The following GGT5 variants were observed in gnomAD, a reference collection of about 807,000 sequenced individuals.
GGT5 encodes the protein gamma-glutamyltransferase 5.
In GGT5, 50 loss-of-function variants were observed where a neutral mutation model predicts 58.1. That is an observed-to-expected ratio of 0.86 (90% CI 0.69 to 1.09). GGT5 has a LOEUF of 1.09. Among genes scored for constraint, GGT5 ranks in the 50% least tolerant of loss-of-function variants. GGT5 has a pLI of 0.00. For synonymous variants in GGT5, 370 were observed against 346.1 expected, an observed-to-expected ratio of 1.07 and a Z score of -0.77; for missense variants, 800 against 789.4, an observed-to-expected ratio of 1.01 and a Z score of -0.16.
chr22:24,232,711 G>A (rs1248612332), intron 4 of GGT5, 112 bp downstream of exon 4: 16 of 672,302 alleles, frequency 2.4e-5, no homozygotes, highest in Non-Finnish European at 3.5e-5. Context: ...CCAGCACCCC[G>A]AGGGTCAATC....
chr22:24,224,355 C>CAAAAAAAT (rs1556028869), intron 11 of GGT5, among the ~76,000 whole-genome samples: 2 of 151,372 alleles, frequency 1.3e-5, no homozygotes, highest in African/African-American at 4.8e-5. Context: ...CTACGAAAAA[C>CAAAAAAAT]AAAAAAATAA....
intron 1 of GGT5, among the ~76,000 whole-genome samples, chr22:24,240,662 C>G (rs2048303221): frequency 6.6e-6 from 1 of 151,992 alleles, no homozygotes; most frequent in Non-Finnish European, 1.5e-5. Context: ...ATTAGCCACA[C>G]CCAGCTAATT....
At position 24,232,223 on chromosome 22, in the gene GGT5, G is replaced by GGGGGGGGC; in HGVS notation, c.597-16_597-15insGCCCCCCC. 3 of 890,650 alleles carry GGGGGGGGC rather than the reference G, an allele frequency of 3.4e-6. No individual in the cohort carries two copies. Among genetic ancestry groups the GGGGGGGGC allele is most frequent in the Non-Finnish European group, 5.1e-6 (3 of 590,058 alleles). The allele number at this position is 890,650 out of a possible 1,614,324, so 55.2% of individuals were successfully genotyped here. ...AGAAGAGCTGGCTGGGGGGTGGGGG[G>GGGGGGGGC]AGCCTCAGGGTGGGGCCAGGTCCCA... On this transcript the variant is annotated splice_polypyrimidine_tract_variant and intron_variant, in intron 4 of 11. Transcript: ENST00000327365.
chr22:24,223,279 GT>G (rs2148886279), intron 11 of GGT5, among the ~76,000 whole-genome samples: 1 of 152,162 alleles, frequency 6.6e-6, no homozygotes, highest in East Asian at 1.9e-4. Flanking sequence ...GCGCACATGT[GT>G]AGTCCCAGCT....
At chr22:24,225,213 G>GGAGACACTC in intron 10 of GGT5, 32 bp downstream of exon 10, 1 of 1,607,004 alleles carries the variant, frequency 6.2e-7, no homozygotes, top group African/African-American at 1.3e-5. Flanking sequence ...TGCCCAGAGA[G>GGAGACACTC]GAGACACTCG....
At chr22:24,237,007 C>CTTTTTTTTTTTTTTTTTCTT (rs35060391) in intron 1 of GGT5, among the ~76,000 whole-genome samples, 3 of 131,124 alleles carry the variant, frequency 2.3e-5, no homozygotes, top group Admixed American at 7.9e-5. Flanking sequence ...TCTTTTCTCT[C>CTTTTTTTTTTTTTTTTTCTT]TTTTTTTTTT....
rs143616956 is a variant in GGT5 at position 24,225,383 on chromosome 22, G to A, written c.1365C>T (p.Pro455=). Residue 455 remains proline (P), a synonymous_variant, in exon 10 of 12, where the codon CCC becomes CCT. Transcript: ENST00000327365. ...CTGGAACTGGGGGCCAGCACCTTCC[G>A]GGAGCTCCACCCACCCTGTCTCCAC... The part of the protein sequence containing the change: ...PVSGDRVGGA[P]GRCWPPVPGE... 200 of 1,608,452 alleles carry A rather than the reference G, an allele frequency of 1.2e-4. No individual in the cohort carries two copies. The highest frequency in any genetic ancestry group is 5.0e-4 in the Admixed American group (30 of 59,622).
At chr22:24,222,885 G>T (rs1385177185) in intron 11 of GGT5, among the ~76,000 whole-genome samples, 2 of 151,508 alleles carry the variant, frequency 1.3e-5, no homozygotes, top group South Asian at 4.2e-4. Flanking sequence ...AGACCATCCT[G>T]GCTAACACGG....
Position 24,225,190 on chromosome 22 carries a change from T to C in GGT5, c.1503+55A>G, listed in dbSNP as rs112092021. On this transcript the variant is annotated intron_variant, in intron 10 of 11. Transcript: ENST00000327365. The stretch of plus-strand genomic sequence containing the variant: ...CCTCACATCCCCACTCCAGAGACAG[T>C]CAGACAGTATGCTGCCCAGAGAGGA... The C allele has an allele frequency of 1.5e-3, 2,317 of 1,595,108 alleles. 10 individuals carry two copies. Among genetic ancestry groups the C allele is most frequent in the Middle Eastern group, 1.8e-3 (11 of 6,026 alleles).
rs914930434 is a variant in GGT5 at position 24,219,788 on chromosome 22, G to C, written c.*182C>G. On this transcript the variant is annotated 3_prime_UTR_variant, in exon 12 of 12. Transcript: ENST00000327365. The stretch of plus-strand genomic sequence containing the variant: ...GGACCACCAGGGGCTCTGGGAAAGG[G>C]GGTTAGGGATGAGGCTCAGCCTCTC... 1.6e-6 allele frequency: 1 copy of C among 610,644 alleles called. No individual in the cohort carries two copies. The highest frequency in any genetic ancestry group is 3.0e-5 in the Admixed American group (1 of 33,424). 37.8% of individuals were successfully genotyped at this position (610,644 alleles called of 1,614,324 possible).
rs776035379 is a variant in GGT5, at chr22:24,225,431, T to C, written c.1337-20A>G. 1 of 1,606,136 alleles carries C rather than the reference T, an allele frequency of 6.2e-7. No homozygotes were observed. Among genetic ancestry groups the C allele is most frequent in the Non-Finnish European group, 8.5e-7 (1 of 1,174,804 alleles). On this transcript the variant is annotated intron_variant, in intron 9 of 11. Coordinates refer to ENST00000327365, the MANE Select transcript of GGT5 (RefSeq NM_004121.5). The stretch of plus-strand genomic sequence containing the variant: ...CACTCACTGCTGAGCAAACAGCGTC[T>C]TGGCAAGTGCAGTGACCCATCCAGG...
rs1404209944 is a variant in GGT5 at position 24,232,073 on chromosome 22, C to T, written c.732G>A (p.Leu244=). The T allele has an allele frequency of 6.2e-7, 1 of 1,613,536 alleles. No individual in the cohort carries two copies. Reference sequence around the variant, plus strand: ...GACCTTCCTTGGCAATGTCCTCCACCAGCATCTGGCCCAGCCTCCCCGTGT... The same window carrying T: ...GACCTTCCTTGGCAATGTCCTCCACTAGCATCTGGCCCAGCCTCCCCGTGT... ...VFYTGRLGQM[L]VEDIAKEGSQ... is the part of the protein sequence containing the mutation. Residue 244 remains leucine, a synonymous_variant, in exon 5 of 12, where the codon CTG becomes CTA. Coordinates refer to ENST00000327365, the MANE Select transcript of GGT5 (RefSeq NM_004121.5).
chr22:24,225,455 G>A lies in GGT5; in HGVS notation c.1337-44C>T, dbSNP rs766946185. The A allele has an allele frequency of 3.7e-6, 6 of 1,609,392 alleles. No homozygotes were observed. The East Asian group carries it at 1.3e-4, about 36-fold the overall frequency. ...CTTGGCAAGTGCAGTGACCCATCCA[G>A]GGGTTAGCATGCAACCCCAGCCCAG... On this transcript the variant is annotated intron_variant, in intron 9 of 11. Coordinates refer to ENST00000327365, the MANE Select transcript of GGT5 (RefSeq NM_004121.5).
chr22:24,225,858 A>G (rs7288670), intron 8 of GGT5, among the ~76,000 whole-genome samples: 48,400 of 151,998 alleles, frequency 0.32, 7,846 homozygotes, highest in African/African-American at 0.37. Context: ...GAGTGAGGCT[A>G]CCCATTCCCA....
intron 1 of GGT5, among the ~76,000 whole-genome samples, chr22:24,237,398 T>G (rs1414962290): frequency 7.5e-6 from 1 of 133,984 alleles, no homozygotes; most frequent in African/African-American, 2.6e-5. Flanking sequence ...AGGCCTCAAA[T>G]TATTTTATAT....
chr22:24,221,903 G>A (rs1031553539), intron 11 of GGT5, among the ~76,000 whole-genome samples: 12 of 152,006 alleles, frequency 7.9e-5, no homozygotes, highest in African/African-American at 2.9e-4. Context: ...TCCCTAGCCA[G>A]GCGCGGTGGT....
rs1450217201 is a variant in GGT5 at position 24,237,404 on chromosome 22, TA to T, written c.174-3401del. ...CAGATCCCTAGGCCTCAAATTATTT[TA>T]TATTTATTTATTTATTTATTTGAGA... On this transcript the variant is annotated intron_variant, in intron 1 of 11. Coordinates refer to ENST00000327365, the MANE Select transcript of GGT5 (RefSeq NM_004121.5). Among the ~76,000 whole-genome samples, 3 of 124,624 alleles carry T rather than the reference TA, an allele frequency of 2.4e-5. No individual in the cohort carries two copies. In the East Asian group the frequency reaches 7.6e-4, roughly 32 times the overall value. The allele number at this position is 124,624 out of a possible 152,430, so 81.8% of individuals were successfully genotyped here. A position where few individuals can be genotyped will look rare whatever the true frequency, so the allele number is the denominator to read the frequency against.
chr22:24,220,672 G>A (rs181695229), intron 11 of GGT5: 325 of 455,530 alleles, frequency 7.1e-4, no homozygotes, highest in Middle Eastern at 5.0e-3. Flanking sequence ...AAGGTGGCAG[G>A]ATCACTTGAG....
Position 24,234,111 on chromosome 22 carries a change from G to A in GGT5, c.174-107C>T, listed in dbSNP as rs1288255476. Reference sequence around the variant, plus strand: ...AGAATGGTGACGGAGGCGGCACGTCGGCTGCCACCAAACCGCAGATTAGGT... The same window carrying A: ...AGAATGGTGACGGAGGCGGCACGTCAGCTGCCACCAAACCGCAGATTAGGT... On this transcript the variant is annotated intron_variant, in intron 1 of 11. Transcript: ENST00000327365. The A allele has an allele frequency of 1.1e-5, 12 of 1,103,960 alleles. No homozygotes were observed. The East Asian group carries it at 1.3e-4, about 12-fold the overall frequency. 68.4% of individuals were successfully genotyped at this position (1,103,960 alleles called of 1,614,324 possible). A position where few individuals can be genotyped will look rare whatever the true frequency, so the allele number is the denominator to read the frequency against.
Sources: allele counts gnomAD v4.1 joint callset (sites outside exome capture counted in the v4.1 genomes callset), GRCh38; gene constraint gnomAD v4.1.1; transcripts MANE v1.5; gene names NCBI Gene and HGNC (gene_info 2026-07-23, HGNC 2026-07-21).